The following ERC1 variants were observed in gnomAD, a reference collection of about 807,000 sequenced individuals.
ERC1 encodes the protein ELKS/RAB6-interacting/CAST family member 1.
Under a neutral mutation model 132.0 loss-of-function variants are expected in ERC1, and 56 were observed. The ratio of observed to expected loss-of-function variants is 0.42; its 90% CI spans 0.34 to 0.53. The LOEUF (loss-of-function observed/expected upper bound fraction) is 0.53. Among genes scored for constraint, ERC1 ranks in the 20% least tolerant of loss-of-function variants. The probability of loss-of-function intolerance (pLI) is 0.03; values close to 1 mark genes in which losing one functional copy is unlikely to be tolerated. For synonymous variants in ERC1, 478 were observed against 476.1 expected (o/e 1.00, Z -0.05); for missense variants, 1,202 against 1,349.9 (o/e 0.89, Z 1.72).
chr12:1,047,189 A>C (rs1971203616), intron 2 of ERC1, among the ~76,000 whole-genome samples: 1 of 152,224 alleles, frequency 6.6e-6, no homozygotes, highest in African/African-American at 2.4e-5. Flanking sequence ...TATAATTAGA[A>C]TAATAAATTA....
intron 6 of ERC1, among the ~76,000 whole-genome samples, chr12:1,113,876 A>G (rs1220819837): frequency 1.3e-5 from 2 of 152,214 alleles, no homozygotes; most frequent in African/African-American, 4.8e-5. Context: ...TCAGGGACAC[A>G]TAGCTAGCTT....
intron 17 of ERC1, among the ~76,000 whole-genome samples, chr12:1,413,041 G>A (rs1250148628): frequency 6.6e-6 from 1 of 152,158 alleles, no homozygotes; most frequent in Non-Finnish European, 1.5e-5. Context: ...CAGTAAAAGA[G>A]GTAGTGAAGA....
At chr12:1,419,591 G>A (rs1441409082) in intron 17 of ERC1, among the ~76,000 whole-genome samples, 1 of 151,146 alleles carries the variant, frequency 6.6e-6, no homozygotes, top group Non-Finnish European at 1.5e-5. Flanking sequence ...TATCAAAATG[G>A]AAGCCATGTT....
At chr12:1,003,095 G>GC (rs1555192277) in intron 1 of ERC1, among the ~76,000 whole-genome samples, 2 of 6,368 alleles carry the variant, frequency 3.1e-4, no homozygotes, top group Admixed American at 6.0e-3. Context: ...TATGAAAAAT[G>GC]CAAAAAAAAA....
chr12:1,014,707 T>G (rs1965240088), intron 1 of ERC1, among the ~76,000 whole-genome samples: 2 of 152,166 alleles, frequency 1.3e-5, no homozygotes, highest in Admixed American at 6.6e-5. Context: ...ACAATATGTT[T>G]TTGCATGTCA....
At chr12:1,179,092 T>C (rs1176074444) in intron 8 of ERC1, among the ~76,000 whole-genome samples, 2 of 152,248 alleles carry the variant, frequency 1.3e-5, no homozygotes, top group Non-Finnish European at 2.9e-5. Flanking sequence ...TTTATTGTAC[T>C]TGAGTCTCCT....
chr12:1,341,361 A>T (rs1040053564), intron 15 of ERC1, among the ~76,000 whole-genome samples: 12 of 151,880 alleles, frequency 7.9e-5, no homozygotes, highest in African/African-American at 2.9e-4. Flanking sequence ...AGACATGCAC[A>T]CATATGTTTA....
At chr12:1,420,914 TG>T (rs1410803678) in intron 17 of ERC1, among the ~76,000 whole-genome samples, 4 of 46,572 alleles carry the variant, frequency 8.6e-5, no homozygotes, top group Non-Finnish European at 1.9e-4. Flanking sequence ...TGTTTGGTTT[TG>T]GTTTGGGGGG....
intron 1 of ERC1, among the ~76,000 whole-genome samples, chr12:1,015,512 A>G (rs1055527924): frequency 3.9e-5 from 6 of 152,212 alleles, no homozygotes; most frequent in African/African-American, 9.6e-5. Context: ...AAACAATGCA[A>G]TAATTGAATA....
At chr12:1,101,432 G>A (rs1944647565) in intron 3 of ERC1, among the ~76,000 whole-genome samples, 1 of 152,232 alleles carries the variant, frequency 6.6e-6, no homozygotes, top group African/African-American at 2.4e-5. Flanking sequence ...AGCCTCTGCT[G>A]TTGGTGTGTC....
chr12:1,185,062 C>G (rs749788970), intron 11 of ERC1, among the ~76,000 whole-genome samples: 1 of 152,168 alleles, frequency 6.6e-6, no homozygotes. Flanking sequence ...AGGCGCATGC[C>G]GCTGTGCCCG....
chr12:1,171,232 C>T (rs1953024495), intron 8 of ERC1, among the ~76,000 whole-genome samples: 1 of 152,118 alleles, frequency 6.6e-6, no homozygotes, highest in Non-Finnish European at 1.5e-5. Flanking sequence ...CTTTTAAAAA[C>T]CCAAATTGAA....
In ERC1 at chr12:1,274,653, C is replaced by T. The variant is rs544382048; in HGVS notation, c.2619+11488C>T. ...GATTACAGGCATGCATCACCACACC[C>T]GGCTAATGTTTGTATTTTTAGTAGA... On this transcript the variant is annotated intron_variant, in intron 14 of 18. Coordinates refer to ENST00000360905, the MANE Select transcript of ERC1 (RefSeq NM_178040.4). Among the ~76,000 whole-genome samples, 3 of 152,054 alleles carry T rather than the reference C, an allele frequency of 2.0e-5. No homozygotes were observed. The South Asian group carries it at 6.2e-4, about 32-fold the overall frequency.
At chr12:1,305,863 A>G (rs2080847055) in intron 15 of ERC1, among the ~76,000 whole-genome samples, 2 of 152,114 alleles carry the variant, frequency 1.3e-5, no homozygotes, top group Admixed American at 1.3e-4. Flanking sequence ...TATCTGTTGC[A>G]AAGTTTTTGC....
chr12:1,116,352 G>A (rs1024426077), intron 7 of ERC1, among the ~76,000 whole-genome samples: 2 of 152,132 alleles, frequency 1.3e-5, no homozygotes, highest in African/African-American at 4.8e-5. Flanking sequence ...AGAAGCTTCA[G>A]TTCAACCCCT....
At chr12:1,194,476 G>C (rs1304392101) in intron 12 of ERC1, among the ~76,000 whole-genome samples, 1 of 152,088 alleles carries the variant, frequency 6.6e-6, no homozygotes, top group Admixed American at 6.6e-5. Flanking sequence ...GAAGCGTACT[G>C]GAGGCTGATA....
intron 12 of ERC1, among the ~76,000 whole-genome samples, chr12:1,227,169 T>C (rs1466272539): frequency 6.6e-6 from 1 of 152,234 alleles, no homozygotes; most frequent in African/African-American, 2.4e-5. Flanking sequence ...CTGAGTCATA[T>C]GGTAGTTCTG....
chr12:1,308,230 T>C (rs1156735624), intron 15 of ERC1, among the ~76,000 whole-genome samples: 1 of 151,952 alleles, frequency 6.6e-6, no homozygotes, highest in Non-Finnish European at 1.5e-5. Flanking sequence ...TTATTATTAT[T>C]ATTTGCATGA....
At chr12:1,095,573 A>G (rs1027035959) in intron 3 of ERC1, among the ~76,000 whole-genome samples, 15 of 152,224 alleles carry the variant, frequency 9.9e-5, no homozygotes, top group African/African-American at 3.4e-4. Flanking sequence ...AGACTATATA[A>G]CAAGATTCAG....
Sources: allele counts gnomAD v4.1 joint callset (sites outside exome capture counted in the v4.1 genomes callset), GRCh38; gene constraint gnomAD v4.1.1; transcripts MANE v1.5; gene names NCBI Gene and HGNC (gene_info 2026-07-23, HGNC 2026-07-21).